FMNL2: variants seen among roughly 807,000 people sequenced by gnomAD.
FMNL2 encodes formin like 2, also known as formin-like protein 2.
A neutral mutation model predicts 130.2 loss-of-function variants in FMNL2; 51 were observed. The ratio of observed to expected loss-of-function variants is 0.39; its 90% CI spans 0.31 to 0.49. The LOEUF (loss-of-function observed/expected upper bound fraction) is 0.49. Among genes scored for constraint, FMNL2 ranks in the 20% least tolerant of loss-of-function variants. The pLI is 0.85. For missense variants in FMNL2, 977 were observed against 1,316.2 expected, an observed-to-expected ratio of 0.74 and a Z score of 3.99; for synonymous variants, 465 against 467.1, an observed-to-expected ratio of 1.00 and a Z score of 0.06.
At chr2:152,642,974 AC>A (rs1383285438) in intron 25 of FMNL2, among the ~76,000 whole-genome samples, 2 of 151,898 alleles carry the variant, frequency 1.3e-5, no homozygotes, top group Non-Finnish European at 2.9e-5. Context: ...ATGCCACTGC[AC>A]TCCAGCCTGG....
intron 1 of FMNL2, among the ~76,000 whole-genome samples, chr2:152,503,582 C>A (rs1409690775): frequency 6.6e-6 from 1 of 152,012 alleles, no homozygotes; most frequent in Admixed American, 6.5e-5. Flanking sequence ...AGCAAAAAAT[C>A]TATATCACTG....
intron 1 of FMNL2, among the ~76,000 whole-genome samples, chr2:152,413,634 A>G (rs1686442419): frequency 6.6e-6 from 1 of 152,200 alleles, no homozygotes; most frequent in African/African-American, 2.4e-5. Context: ...ACAATGTGAT[A>G]ATCTAGATAC....
At chr2:152,413,720 A>T (rs1195880097) in intron 1 of FMNL2, among the ~76,000 whole-genome samples, 2 of 152,232 alleles carry the variant, frequency 1.3e-5, no homozygotes, top group East Asian at 3.8e-4. Flanking sequence ...AGGGCTTTCT[A>T]AATAAAGAAT....
At chr2:152,640,718 A>G in intron 24 of FMNL2, 73 bp from the exon 25 acceptor site, 2 of 1,548,942 alleles carry the variant, frequency 1.3e-6, no homozygotes, top group Admixed American at 2.1e-5. Context: ...CATAATGCTC[A>G]GGCACATTTT....
intron 1 of FMNL2, among the ~76,000 whole-genome samples, chr2:152,390,978 A>G (rs1685078529): frequency 6.6e-6 from 1 of 152,242 alleles, no homozygotes; most frequent in Non-Finnish European, 1.5e-5. Flanking sequence ...GATATTGGCA[A>G]CCTTCACACC....
At chr2:152,541,537 G>C (rs528681837) in intron 2 of FMNL2, among the ~76,000 whole-genome samples, 10 of 152,126 alleles carry the variant, frequency 6.6e-5, no homozygotes, top group Non-Finnish European at 1.3e-4. Flanking sequence ...TCAAGAAATA[G>C]AACTGCTGGC....
In FMNL2 at chr2:152,648,795, G is replaced by A. The variant is rs1163907585; in HGVS notation, c.*890G>A. The A allele has an allele frequency of 6.6e-6, 1 of 152,518 alleles. No homozygotes were observed. The highest frequency in any genetic ancestry group is 1.5e-5 in the Non-Finnish European group (1 of 68,016). 9.4% of individuals were successfully genotyped at this position (152,518 alleles called of 1,614,324 possible). On this transcript the variant is annotated 3_prime_UTR_variant, in exon 26 of 26. Coordinates refer to ENST00000288670, the MANE Select transcript of FMNL2 (RefSeq NM_052905.4). Reference sequence around the variant, plus strand: ...CTGGCCTTACTCTCCTCTGACAATCGCAATTTTTTCTTATTTTTTATAAAT... The same window carrying A: ...CTGGCCTTACTCTCCTCTGACAATCACAATTTTTTCTTATTTTTTATAAAT...
intron 7 of FMNL2, 84 bp from the exon 8 acceptor site, chr2:152,578,803 GT>G: frequency 6.2e-6 from 7 of 1,120,318 alleles, no homozygotes; most frequent in Middle Eastern, 2.3e-4. Flanking sequence ...GATACTTCGG[GT>G]TTTTGGTTTT....
chr2:152,637,872 C>T (rs951901683), intron 23 of FMNL2, among the ~76,000 whole-genome samples, 198 bp downstream of exon 23: 1 of 152,192 alleles, frequency 6.6e-6, no homozygotes, highest in Non-Finnish European at 1.5e-5. Context: ...CAGTCCTCTG[C>T]CTCAGCCAGA....
chr2:152,602,368 C>CAT (rs886604418), intron 9 of FMNL2, among the ~76,000 whole-genome samples: 5 of 152,164 alleles, frequency 3.3e-5, no homozygotes, highest in African/African-American at 9.7e-5. Flanking sequence ...TTTTCCAGGG[C>CAT]ATATACTTTT....
intron 9 of FMNL2, among the ~76,000 whole-genome samples, chr2:152,599,621 C>T (rs1697949633): frequency 6.6e-6 from 1 of 151,844 alleles, no homozygotes; most frequent in African/African-American, 2.4e-5. Context: ...ATCTGGATAT[C>T]TGGAAACACC....
rs1177965681 is a variant in FMNL2 at position 152,568,218 on chromosome 2, G to GTTTTTTTTTTTT, written c.597-6914_597-6903dup. Among the ~76,000 whole-genome samples, 273 of 34,802 alleles carry GTTTTTTTTTTTT rather than the reference G, an allele frequency of 7.8e-3. 9 individuals carry two copies. The highest frequency in any genetic ancestry group is 0.022 in the African/African-American group (266 of 11,844). The allele number at this position is 34,802 out of a possible 152,430, so 22.8% of individuals were successfully genotyped here. A position where few individuals can be genotyped will look rare whatever the true frequency, so the allele number is the denominator to read the frequency against. On this transcript the variant is annotated intron_variant, in intron 6 of 25. Transcript: ENST00000288670. The stretch of plus-strand genomic sequence containing the variant: ...TGAGCAACGGCTTCCATTTTGGTGG[G>GTTTTTTTTTTTT]TTTTTTTTTTTTTTTGAGACGGAGT...
At chr2:152,625,607 C>T (rs749941357) in intron 16 of FMNL2, 45 bp downstream of exon 16, 3 of 1,565,816 alleles carry the variant, frequency 1.9e-6, no homozygotes, top group East Asian at 4.5e-5. Context: ...CTCTGTGCAG[C>T]AAAGCCGGCA....
intron 1 of FMNL2, among the ~76,000 whole-genome samples, chr2:152,431,458 T>C (rs890140931): frequency 3.3e-5 from 5 of 152,226 alleles, no homozygotes; most frequent in African/African-American, 1.2e-4. Flanking sequence ...AAAGATTAAC[T>C]TCTTTATGGA....
chr2:152,622,256 A>G (rs569022907), intron 15 of FMNL2, among the ~76,000 whole-genome samples: 21 of 152,256 alleles, frequency 1.4e-4, no homozygotes, highest in East Asian at 7.7e-4. Context: ...AATTATTCCT[A>G]TCCTATGGAA....
At chr2:152,338,818 G>GACACACACACACACACACACAC (rs767062578) in intron 1 of FMNL2, among the ~76,000 whole-genome samples, 9 of 60,396 alleles carry the variant, frequency 1.5e-4, no homozygotes, top group African/African-American at 3.8e-4. Context: ...TGGAAGGTGA[G>GACACACACACACACACACACAC]ATACACACAC....
At chr2:152,335,793 TC>T in intron 1 of FMNL2, 73 bp downstream of exon 1, 2 of 1,095,430 alleles carry the variant, frequency 1.8e-6, no homozygotes, top group Non-Finnish European at 2.5e-6. Context: ...CCCCCGCCCC[TC>T]CCCTTCACCC....
intron 9 of FMNL2, among the ~76,000 whole-genome samples, chr2:152,584,773 A>G (rs555606920): frequency 6.6e-6 from 1 of 152,342 alleles, no homozygotes; most frequent in African/African-American, 2.4e-5. Context: ...GTATGACTAC[A>G]TCATTTTCTC....
rs926995557 is a variant in FMNL2, at chr2:152,549,202, TAA to T, written c.359+108_359+109del. On this transcript the variant is annotated intron_variant, in intron 4 of 25. Coordinates refer to ENST00000288670, the MANE Select transcript of FMNL2 (RefSeq NM_052905.4). ...AGCTTCCTTATGGGCCATTATAAATTAAAAGACTGAGGTTTTAGTAGATGAAA... is the reference window on the plus strand; with the variant it reads ...AGCTTCCTTATGGGCCATTATAAATTAAGACTGAGGTTTTAGTAGATGAAA... The T allele has an allele frequency of 9.8e-6, 7 of 713,174 alleles. No homozygotes were observed. In the African/African-American group the frequency reaches 1.3e-4, roughly 13 times the overall value. The allele number at this position is 713,174 out of a possible 1,614,324, so 44.2% of individuals were successfully genotyped here.
Sources: allele counts gnomAD v4.1 joint callset (sites outside exome capture counted in the v4.1 genomes callset), GRCh38; gene constraint gnomAD v4.1.1; transcripts MANE v1.5; gene names NCBI Gene and HGNC (gene_info 2026-07-23, HGNC 2026-07-21).